COL18A1: variants seen among roughly 807,000 people sequenced by gnomAD.
COL18A1 encodes collagen alpha-1(XVIII) chain.
Under a neutral mutation model 168.0 loss-of-function variants are expected in COL18A1, and 133 were observed. The observed-to-expected ratio is 0.79, with a 90% CI of 0.69 to 0.91. The LOEUF (loss-of-function observed/expected upper bound fraction) is 0.91. Ranked by LOEUF, COL18A1 falls within the 40% of genes least tolerant of loss-of-function variation. COL18A1 has a pLI of 0.00. For synonymous variants in COL18A1, 949 were observed against 809.0 expected (o/e 1.17, Z -2.94); for missense variants, 2,126 against 1,925.4 (o/e 1.10, Z -1.95).
In COL18A1 at chr21:45,457,772, A is replaced by G. The variant is rs894888155; in HGVS notation, c.107-10470A>G. ...TCTGTCCTCCTCTGCTGTCCTCCCC[A>G]TAGTGCCGAGGGGAAGCAGCCTTGC... On this transcript the variant is annotated intron_variant, in intron 2 of 41. Coordinates refer to ENST00000651438, the MANE Select transcript of COL18A1 (RefSeq NM_001379500.1). The surrounding 1 kb of genome is among the most constrained non-coding windows in gnomAD (Gnocchi z 4.6). Among the ~76,000 whole-genome samples the G allele has an allele frequency of 6.6e-6, 1 of 152,030 alleles. No individual in the cohort carries two copies. Among genetic ancestry groups the G allele is most frequent in the Admixed American group, 6.5e-5 (1 of 15,274 alleles).
chr21:45,510,136 T>C lies in COL18A1; in HGVS notation c.3568T>C (p.Phe1190Leu), dbSNP rs2146126709. ...CATCCGCGGGGCCGACTTCCAGTGC[T>C]TCCAGCAGGCGCGGGCCGTGGGGCT... ...RGIRGADFQC[F>L]QQARAVGLAG... is the part of the protein sequence containing the mutation. Residue 1190 changes from phenylalanine (F) to leucine (L), a missense_variant, in exon 40 of 42, where the codon TTC becomes CTC. Phe to Leu is a conservative substitution (Grantham distance 22). Coordinates refer to ENST00000651438, the MANE Select transcript of COL18A1 (RefSeq NM_001379500.1). The C allele has an allele frequency of 6.2e-7, 1 of 1,600,618 alleles. No homozygotes were observed.
chr21:45,507,610 C>T lies in COL18A1; in HGVS notation c.3249+17C>T. On this transcript the variant is annotated intron_variant, in intron 38 of 41. Coordinates refer to ENST00000651438, the MANE Select transcript of COL18A1 (RefSeq NM_001379500.1). The stretch of plus-strand genomic sequence containing the variant: ...CGAGGGACGGTAAGGAGCCTTTTTT[C>T]TGTTGAGACTGGTGGGTGGTCAGGA... 5 of 1,611,824 alleles carry T rather than the reference C, an allele frequency of 3.1e-6. No homozygotes were observed. The highest frequency in any genetic ancestry group is 4.2e-6 in the Non-Finnish European group (5 of 1,178,820).
chr21:45,414,648 G>T (rs2033392103), intron 2 of COL18A1, among the ~76,000 whole-genome samples: 1 of 152,256 alleles, frequency 6.6e-6, no homozygotes, highest in African/African-American at 2.4e-5. Flanking sequence ...CTCACGGACA[G>T]CCAGCCTCCC....
chr21:45,499,272 A>G (rs1455358307), intron 32 of COL18A1, among the ~76,000 whole-genome samples: 1 of 150,726 alleles, frequency 6.6e-6, no homozygotes, highest in East Asian at 2.0e-4. Flanking sequence ...AGTGGAGGGT[A>G]TTTCAGGGGG....
At chr21:45,511,496 C>G (rs1240873345) in intron 41 of COL18A1, among the ~76,000 whole-genome samples, 3 of 152,270 alleles carry the variant, frequency 2.0e-5, no homozygotes, top group African/African-American at 7.2e-5. Context: ...CTCCATGTCT[C>G]CCGGATGTCA....
rs1188805671 is a variant in COL18A1, at chr21:45,498,038, A to C, written c.2683+377A>C. On this transcript the variant is annotated intron_variant, in intron 32 of 41. Coordinates refer to ENST00000651438, the MANE Select transcript of COL18A1 (RefSeq NM_001379500.1). This position sits in a 1 kb window ranked among gnomAD's most constrained non-coding sequence, Gnocchi z 4.5. ...AGGACCCTCTGTCGAGAAACTCTCCAGGGTTTCATGTGGGAAGGAGGCGTT... is the reference window on the plus strand; with the variant it reads ...AGGACCCTCTGTCGAGAAACTCTCCCGGGTTTCATGTGGGAAGGAGGCGTT... Among the ~76,000 whole-genome samples the C allele has an allele frequency of 6.6e-6, 1 of 152,128 alleles. No homozygotes were observed. Among genetic ancestry groups the C allele is most frequent in the East Asian group, 1.9e-4 (1 of 5,170 alleles).
intron 9 of COL18A1, among the ~76,000 whole-genome samples, chr21:45,479,415 A>G (rs372695580): frequency 0.014 from 2,180 of 151,878 alleles, 50 homozygotes; most frequent in African/African-American, 0.05. Context: ...ACGTGCACAC[A>G]TCACACGTGG....
chr21:45,407,203 A>G (rs889993741), intron 2 of COL18A1, among the ~76,000 whole-genome samples: 1 of 152,204 alleles, frequency 6.6e-6, no homozygotes, highest in Non-Finnish European at 1.5e-5. Context: ...GGGTTATTGG[A>G]GAAGAGCTAA....
At chr21:45,490,743 AGAAC>A (rs1422001576) in intron 20 of COL18A1, 89 bp from the exon 21 acceptor site, 1 of 993,000 alleles carries the variant, frequency 1.0e-6, no homozygotes, top group African/African-American at 2.0e-5. Flanking sequence ...CGGGAAATAA[AGAAC>A]CCCACATCTT....
chr21:45,462,753 G>A lies in COL18A1; in HGVS notation c.107-5489G>A, dbSNP rs899963877. 2.6e-5 allele frequency among the ~76,000 whole-genome samples: 4 copies of A among 152,174 alleles called. 1 individual carries two copies. The highest frequency in any genetic ancestry group is 6.5e-5 in the Admixed American group (1 of 15,270). On this transcript the variant is annotated intron_variant, in intron 2 of 41. Coordinates refer to ENST00000651438, the MANE Select transcript of COL18A1 (RefSeq NM_001379500.1). The stretch of plus-strand genomic sequence containing the variant: ...TGCCATCAGGTCTTTTGCAGAGACA[G>A]CTTCTGTTAATTTATTTTTCTCCTT...
At chr21:45,431,890 C>T (rs897096843) in intron 2 of COL18A1, among the ~76,000 whole-genome samples, 2 of 152,140 alleles carry the variant, frequency 1.3e-5, no homozygotes, top group Middle Eastern at 3.2e-3. Context: ...GGTCACTGCT[C>T]CTGCCAAGGG....
chr21:45,437,652 GCACA>G lies in COL18A1; in HGVS notation c.107-30580_107-30577del, dbSNP rs147554147. Among the ~76,000 whole-genome samples the G allele has an allele frequency of 4.5e-3, 147 of 32,550 alleles. 9 individuals carry two copies. The highest frequency in any genetic ancestry group is 0.013 in the African/African-American group (66 of 5,156). The allele number at this position is 32,550 out of a possible 152,430, so 21.4% of individuals were successfully genotyped here. A position where few individuals can be genotyped will look rare whatever the true frequency, so the allele number is the denominator to read the frequency against. On this transcript the variant is annotated intron_variant, in intron 2 of 41. Transcript: ENST00000651438. ...CACACACTCACACAGGCACTCTCCT[GCACA>G]CACACACACTCAGACACACAGGCAC...
At chr21:45,475,411 C>T in intron 4 of COL18A1, 65 bp from the exon 5 acceptor site, 1 of 1,444,728 alleles carries the variant, frequency 6.9e-7, no homozygotes, top group Non-Finnish European at 9.5e-7. Context: ...GCTTCCCAGG[C>T]CTGCCGGGCT....
At chr21:45,456,581 C>T (rs760791161) in intron 2 of COL18A1, 178 of 1,543,578 alleles carry the variant, frequency 1.2e-4, no homozygotes, top group Non-Finnish European at 1.3e-4. Flanking sequence ...GGGCATCTCA[C>T]GCTTCTGGCT....
At chr21:45,480,194 G>A (rs188470839) in intron 11 of COL18A1, 38 bp downstream of exon 11, 61 of 1,275,360 alleles carry the variant, frequency 4.8e-5, no homozygotes, top group South Asian at 4.7e-4. Context: ...CCCGGGGTCT[G>A]CCCTCCTCAA....
At chr21:45,414,293 G>A (rs1031705063) in intron 2 of COL18A1, among the ~76,000 whole-genome samples, 4 of 152,164 alleles carry the variant, frequency 2.6e-5, no homozygotes, top group African/African-American at 7.2e-5. Flanking sequence ...TCTCCCTTTC[G>A]GGGGCACATC....
At chr21:45,441,350 T>G (rs1962031421) in intron 2 of COL18A1, among the ~76,000 whole-genome samples, 1 of 152,218 alleles carries the variant, frequency 6.6e-6, no homozygotes, top group South Asian at 2.1e-4. Flanking sequence ...CTGCCCCTAC[T>G]GTCCCCAGAA....
intron 34 of COL18A1, 74 bp downstream of exon 34, chr21:45,504,630 C>A (rs1002789694): frequency 1.5e-6 from 2 of 1,354,678 alleles, no homozygotes; most frequent in East Asian, 2.5e-5. Context: ...AGGTCCAGCC[C>A]GGCCTTCGAC....
intron 2 of COL18A1, among the ~76,000 whole-genome samples, chr21:45,426,471 G>A (rs142637823): frequency 0.023 from 3,528 of 152,248 alleles, 56 homozygotes; most frequent in Middle Eastern, 0.071. Flanking sequence ...TCTCCCGGGC[G>A]GGCGTCCACA....
Sources: allele counts gnomAD v4.1 joint callset (sites outside exome capture counted in the v4.1 genomes callset), GRCh38; gene constraint gnomAD v4.1.1; non-coding constraint Gnocchi (gnomAD v3.1); transcripts MANE v1.5; gene names NCBI Gene and HGNC (gene_info 2026-07-23, HGNC 2026-07-21).